The following MED12L variants were observed in gnomAD, a reference collection of about 807,000 sequenced individuals.
MED12L encodes mediator of RNA polymerase II transcription subunit 12-like protein.
MED12L carries 60 observed loss-of-function variants against 281.3 expected under a neutral mutation model. The ratio of observed to expected loss-of-function variants is 0.21; its 90% CI spans 0.17 to 0.26. The LOEUF is 0.26. Ranked by LOEUF, MED12L falls within the 10% of genes least tolerant of loss-of-function variation. The probability of loss-of-function intolerance (pLI) is 1.00; values close to 1 mark genes in which losing one functional copy is unlikely to be tolerated. For missense variants in MED12L, 2,146 were observed against 2,680.9 expected, an observed-to-expected ratio of 0.80 and a Z score of 4.41; for synonymous variants, 974 against 987.2, an observed-to-expected ratio of 0.99 and a Z score of 0.25.
At chr3:151,426,618 CT>C (rs1718901226) in intron 43 of MED12L, among the ~76,000 whole-genome samples, 1 of 152,126 alleles carries the variant, frequency 6.6e-6, no homozygotes, top group Non-Finnish European at 1.5e-5. Context: ...GCCTCAGAAT[CT>C]TTTCATGTTC....
At position 151,185,048 on chromosome 3, in the gene MED12L, G is replaced by T. The variant is rs778226395; in HGVS notation, c.1495-282G>T. On this transcript the variant is annotated intron_variant, in intron 11 of 44. Coordinates refer to ENST00000687756, the MANE Select transcript of MED12L (RefSeq NM_001393769.1). ...GGTTTTGAAATTTGAGTTCTAGAGG[G>T]TAGCTGGGGCTAGGTTATGTCCCTG... Among the ~76,000 whole-genome samples, 10 of 152,258 alleles carry T rather than the reference G, an allele frequency of 6.6e-5. No individual in the cohort carries two copies. The South Asian group carries it at 1.9e-3, about 28-fold the overall frequency.
intron 16 of MED12L, chr3:151,201,067 C>T (rs758229669): frequency 6.6e-6 from 1 of 152,150 alleles, no homozygotes; most frequent in African/African-American, 2.4e-5. Flanking sequence ...CCAGTCTTTA[C>T]TAAGGGCTTA....
rs567416056 is a variant in MED12L at position 151,317,426 on chromosome 3, A to G, written c.2251-32633A>G. On this transcript the variant is annotated intron_variant, in intron 16 of 44. Transcript: ENST00000687756. ...GCATCCAACAATGACAAATTTATAT[A>G]ATCATATCACTTTTTTTTTTTTTTT... Among the ~76,000 whole-genome samples the G allele has an allele frequency of 4.0e-3, 550 of 138,760 alleles. 6 individuals carry two copies. Among genetic ancestry groups the G allele is most frequent in the African/African-American group, 0.015 (529 of 36,108 alleles). 91.0% of individuals were successfully genotyped at this position (138,760 alleles called of 152,430 possible).
chr3:151,421,318 G>A (rs1330628203), intron 43 of MED12L, among the ~76,000 whole-genome samples: 1 of 152,126 alleles, frequency 6.6e-6, no homozygotes, highest in African/African-American at 2.4e-5. Context: ...CAACCACTCA[G>A]AGAGGTCCAG....
chr3:151,102,031 C>T (rs998016653), intron 2 of MED12L, among the ~76,000 whole-genome samples: 1 of 152,126 alleles, frequency 6.6e-6, no homozygotes, highest in Non-Finnish European at 1.5e-5. Flanking sequence ...TGTACTCAGT[C>T]TTCAGTGATG....
chr3:151,130,694 T>C (rs1444793342), intron 5 of MED12L, among the ~76,000 whole-genome samples: 1 of 152,216 alleles, frequency 6.6e-6, no homozygotes, highest in Admixed American at 6.5e-5. Context: ...TGGGTGCACA[T>C]GGGCCTGCTC....
At chr3:151,156,577 G>A (rs113830168) in intron 6 of MED12L, among the ~76,000 whole-genome samples, 5 of 152,210 alleles carry the variant, frequency 3.3e-5, no homozygotes, top group African/African-American at 1.2e-4. Flanking sequence ...TAATTAGTTC[G>A]TAATTGCACT....
Position 151,307,229 on chromosome 3 carries a change from C to G in MED12L, c.2251-42830C>G, listed in dbSNP as rs1184837952. The stretch of plus-strand genomic sequence containing the variant: ...AATTTATGTGTGTTTTTCAACAATG[C>G]TAAGATTATAGCTCTGCTGAAGGCC... On this transcript the variant is annotated intron_variant, in intron 16 of 44. Coordinates refer to ENST00000687756, the MANE Select transcript of MED12L (RefSeq NM_001393769.1). Among the ~76,000 whole-genome samples the G allele has an allele frequency of 1.3e-5, 2 of 152,140 alleles. 1 individual carries two copies. Among genetic ancestry groups the G allele is most frequent in the Middle Eastern group, 6.3e-3 (2 of 316 alleles).
intron 16 of MED12L, among the ~76,000 whole-genome samples, chr3:151,342,858 A>T (rs1325159573): frequency 6.6e-6 from 1 of 152,148 alleles, no homozygotes. Context: ...TCAATATTTA[A>T]TTTCTTACAC....
At chr3:151,121,511 G>A (rs545350382) in intron 3 of MED12L, among the ~76,000 whole-genome samples, 1 of 152,232 alleles carries the variant, frequency 6.6e-6, no homozygotes, top group East Asian at 1.9e-4. Context: ...ATTAACTAAG[G>A]TGGTGATTCT....
intron 2 of MED12L, among the ~76,000 whole-genome samples, chr3:151,095,581 A>C (rs1209338445): frequency 6.6e-6 from 1 of 152,186 alleles, no homozygotes; most frequent in Non-Finnish European, 1.5e-5. Flanking sequence ...CAGGTGAGCC[A>C]CTGTGCCTGG....
intron 16 of MED12L, 141 bp from the exon 17 acceptor site, chr3:151,349,918 G>T: frequency 1.7e-6 from 1 of 578,530 alleles, no homozygotes; most frequent in Admixed American, 2.9e-5. Context: ...TGCCAGTGGA[G>T]GTTGAGGTGA....
intron 3 of MED12L, among the ~76,000 whole-genome samples, chr3:151,120,812 G>C (rs1205295094): frequency 6.6e-6 from 1 of 152,142 alleles, no homozygotes; most frequent in Admixed American, 6.5e-5. Context: ...GCAATTAAAT[G>C]TTATAATCAT....
chr3:151,269,629 C>A, intron 16 of MED12L: 1 of 382,304 alleles, frequency 2.6e-6, no homozygotes. Context: ...CAAAGAGGCA[C>A]TGTATTATTT....
intron 42 of MED12L, among the ~76,000 whole-genome samples, chr3:151,414,954 TC>T (rs1414674076): frequency 1.3e-5 from 2 of 152,206 alleles, no homozygotes; most frequent in African/African-American, 4.8e-5. Context: ...ATGACTATTA[TC>T]ATTACTATGA....
chr3:151,197,197 C>T (rs1320433498), intron 16 of MED12L, among the ~76,000 whole-genome samples: 2 of 152,224 alleles, frequency 1.3e-5, no homozygotes, highest in East Asian at 3.9e-4. Context: ...GAGTCTCGCT[C>T]TTTTTGCCCA....
chr3:151,400,745 G>GA (rs1715567691), intron 39 of MED12L, among the ~76,000 whole-genome samples: 1 of 152,106 alleles, frequency 6.6e-6, no homozygotes. Flanking sequence ...CCACCCTAAG[G>GA]AAATGGTATC....
intron 11 of MED12L, among the ~76,000 whole-genome samples, chr3:151,180,789 T>G (rs997877118): frequency 1.3e-5 from 2 of 152,232 alleles, no homozygotes; most frequent in Admixed American, 1.3e-4. Context: ...ACCCAACTCT[T>G]CTGCACAGAC....
rs189086361 is a variant in MED12L at position 151,315,860 on chromosome 3, A to C, written c.2251-34199A>C. Among the ~76,000 whole-genome samples, 401 of 152,278 alleles carry C rather than the reference A, an allele frequency of 2.6e-3. 6 individuals carry two copies. The highest frequency in any genetic ancestry group is 9.1e-3 in the African/African-American group (379 of 41,588). ...GTGATGTAAAATTCCATAGCAGATAAATCTTAAAATAAGAAATCAAAAAGT... is the reference window on the plus strand; with the variant it reads ...GTGATGTAAAATTCCATAGCAGATACATCTTAAAATAAGAAATCAAAAAGT... On this transcript the variant is annotated intron_variant, in intron 16 of 44. Coordinates refer to ENST00000687756, the MANE Select transcript of MED12L (RefSeq NM_001393769.1).
Sources: allele counts gnomAD v4.1 joint callset (sites outside exome capture counted in the v4.1 genomes callset), GRCh38; gene constraint gnomAD v4.1.1; transcripts MANE v1.5; gene names NCBI Gene and HGNC (gene_info 2026-07-23, HGNC 2026-07-21).